The following ATAD2B variants were observed in gnomAD, a reference collection of about 807,000 sequenced individuals.
ATAD2B encodes the protein ATPase family AAA domain containing 2B, also known as ATPase family AAA domain-containing protein 2B.
Under a neutral mutation model 167.6 loss-of-function variants are expected in ATAD2B, and 40 were observed. The observed-to-expected ratio is 0.24, with a 90% CI of 0.19 to 0.31. The LOEUF (loss-of-function observed/expected upper bound fraction) is 0.31, where lower values mean the gene tolerates loss of function less well. Ranked by LOEUF, ATAD2B falls within the 10% of genes least tolerant of loss-of-function variation. The pLI is 1.00. For missense variants in ATAD2B, 1,242 were observed against 1,757.2 expected (o/e 0.71, Z 5.24); for synonymous variants, 579 against 596.5 (o/e 0.97, Z 0.43).
intron 1 of ATAD2B, among the ~76,000 whole-genome samples, chr2:23,923,323 G>A (rs1704226111): frequency 6.6e-6 from 1 of 152,158 alleles, no homozygotes; most frequent in African/African-American, 2.4e-5. Flanking sequence ...ATTCACAGAA[G>A]CAGAGAGTAG....
At chr2:23,703,301 G>A in the ATAD2B span, 3 of 1,548,572 alleles carry the variant, frequency 1.9e-6, no homozygotes, top group Admixed American at 2.0e-5. Context: ...GGTGAACGAG[G>A]CAGGCCGAGC....
intron 13 of ATAD2B, among the ~76,000 whole-genome samples, chr2:23,845,048 C>T (rs1573008014): frequency 6.6e-6 from 1 of 151,844 alleles, no homozygotes; most frequent in East Asian, 1.9e-4. Flanking sequence ...TGAAGCAATA[C>T]AAATGAGAAG....
chr2:23,880,068 A>G (rs925188027), intron 7 of ATAD2B, among the ~76,000 whole-genome samples: 2 of 151,968 alleles, frequency 1.3e-5, no homozygotes, highest in Non-Finnish European at 2.9e-5. Flanking sequence ...AAAAAAAAAA[A>G]AAAAGAGAGA....
chr2:23,820,710 C>A (rs1022181384), intron 16 of ATAD2B, among the ~76,000 whole-genome samples: 1 of 152,164 alleles, frequency 6.6e-6, no homozygotes, highest in African/African-American at 2.4e-5. Context: ...AGATAGAGAT[C>A]TCAAGTGGCT....
chr2:23,890,987 A>T (rs560607590), intron 2 of ATAD2B, among the ~76,000 whole-genome samples: 2 of 152,004 alleles, frequency 1.3e-5, no homozygotes, highest in African/African-American at 4.8e-5. Flanking sequence ...GACATGAAAT[A>T]CATGAGTATA....
chr2:23,761,030 A>G (rs1676677720), intron 24 of ATAD2B, among the ~76,000 whole-genome samples: 1 of 152,246 alleles, frequency 6.6e-6, no homozygotes. Flanking sequence ...AAAGGCACTT[A>G]AAACTTCTTC....
the ATAD2B span, among the ~76,000 whole-genome samples, chr2:23,724,480 A>G: frequency 6.6e-6 from 1 of 152,118 alleles, no homozygotes; most frequent in Admixed American, 6.5e-5. Context: ...TATTTTTTAA[A>G]TTGAAAAGAG....
chr2:23,831,644 C>T (rs1689092261), intron 14 of ATAD2B, among the ~76,000 whole-genome samples: 2 of 152,186 alleles, frequency 1.3e-5, no homozygotes, highest in East Asian at 1.9e-4. Context: ...AGACTCCCCA[C>T]ATCCTAATCA....
intron 9 of ATAD2B, among the ~76,000 whole-genome samples, chr2:23,868,916 A>G (rs967443437): frequency 7.2e-5 from 11 of 152,238 alleles, no homozygotes; most frequent in African/African-American, 2.7e-4. Flanking sequence ...TTATAAAAAT[A>G]TATTATCAAA....
chr2:23,782,108 C>G (rs1424471732), intron 22 of ATAD2B, among the ~76,000 whole-genome samples: 1 of 152,240 alleles, frequency 6.6e-6, no homozygotes, highest in Admixed American at 6.5e-5. Context: ...CAAGCCACCA[C>G]ACCCAGCCAA....
intron 10 of ATAD2B, among the ~76,000 whole-genome samples, chr2:23,866,366 T>C (rs1249995337): frequency 3.9e-5 from 6 of 152,076 alleles, no homozygotes; most frequent in East Asian, 1.9e-4. Context: ...GATTGCGCCA[T>C]TGTACTCCAG....
intron 1 of ATAD2B, among the ~76,000 whole-genome samples, chr2:23,896,996 G>T (rs1700240229): frequency 6.6e-6 from 1 of 152,068 alleles, no homozygotes; most frequent in Non-Finnish European, 1.5e-5. Context: ...CAGGTGTGGT[G>T]GTACATGCCT....
intron 23 of ATAD2B, 81 bp downstream of exon 23, chr2:23,765,425 C>G: frequency 1.7e-6 from 2 of 1,172,680 alleles, no homozygotes; most frequent in Non-Finnish European, 2.3e-6. Flanking sequence ...TACCAGCAAT[C>G]CTAAAGAAAC....
chr2:23,711,025 T>C, the ATAD2B span, among the ~76,000 whole-genome samples: 1 of 152,128 alleles, frequency 6.6e-6, no homozygotes, highest in East Asian at 1.9e-4. Flanking sequence ...AGACAGGTAA[T>C]ACTAAAGACA....
intron 18 of ATAD2B, among the ~76,000 whole-genome samples, chr2:23,803,674 C>T (rs1239717086): frequency 3.9e-5 from 6 of 152,090 alleles, no homozygotes; most frequent in East Asian, 1.9e-4. Flanking sequence ...TAGCTGAATC[C>T]GTCAGAAGGA....
At chr2:23,782,634 T>C (rs1680237152) in intron 22 of ATAD2B, among the ~76,000 whole-genome samples, 1 of 152,184 alleles carries the variant, frequency 6.6e-6, no homozygotes, top group Non-Finnish European at 1.5e-5. Context: ...AATGTAAATA[T>C]AAAAAGTAGA....
At chr2:23,680,684 C>T in the ATAD2B span, among the ~76,000 whole-genome samples, 5 of 151,144 alleles carry the variant, frequency 3.3e-5, no homozygotes, top group Non-Finnish European at 5.9e-5. This position sits in a 1 kb window ranked among gnomAD's most constrained non-coding sequence, Gnocchi z 4.1. Context: ...TCTAGGCCAT[C>T]TTCCCCTGGG....
chr2:23,870,942 A>G (rs1281469848), intron 8 of ATAD2B, among the ~76,000 whole-genome samples: 1 of 152,190 alleles, frequency 6.6e-6, no homozygotes, highest in African/African-American at 2.4e-5. Flanking sequence ...GATTATTAGT[A>G]TAACTCATGA....
chr2:23,869,492 T>C (rs142586921), intron 9 of ATAD2B, 171 bp downstream of exon 9: 1 of 584,502 alleles, frequency 1.7e-6, no homozygotes, highest in African/African-American at 1.9e-5. Flanking sequence ...CTAAATGATT[T>C]TGGGGAAAGG....
Sources: allele counts gnomAD v4.1 joint callset (sites outside exome capture counted in the v4.1 genomes callset), GRCh38; gene constraint gnomAD v4.1.1; non-coding constraint Gnocchi (gnomAD v3.1); transcripts MANE v1.5; gene names NCBI Gene and HGNC (gene_info 2026-07-23, HGNC 2026-07-21).